USH2A: variants seen among roughly 807,000 people sequenced by gnomAD.
The protein encoded by USH2A is Usher syndrome 2A (autosomal recessive, mild).
USH2A carries 443 observed loss-of-function variants against 538.9 expected under a neutral mutation model. The observed-to-expected ratio is 0.82, with a 90% CI of 0.76 to 0.89. USH2A has a LOEUF of 0.89. Among genes scored for constraint, USH2A ranks in the 40% least tolerant of loss-of-function variants. USH2A has a pLI of 0.00. For synonymous variants in USH2A, 2,413 were observed against 2,273.5 expected, an observed-to-expected ratio of 1.06 and a Z score of -1.75; for missense variants, 6,633 against 6,324.8, an observed-to-expected ratio of 1.05 and a Z score of -1.65.
rs910518692 is a variant in USH2A, at chr1:216,181,007, A to G, written c.4397-5525T>C. On this transcript the variant is annotated intron_variant, in intron 20 of 71. Coordinates refer to ENST00000307340, the MANE Select transcript of USH2A (RefSeq NM_206933.4). ...CTTAAAGAGGAAAAGTTTTCCCCCG[A>G]AACTCTCAGGGGTGACTCAGCATCA... Among the ~76,000 whole-genome samples, 5 of 152,086 alleles carry G rather than the reference A, an allele frequency of 3.3e-5. No individual in the cohort carries two copies. The South Asian group carries it at 6.2e-4, about 19-fold the overall frequency.
intron 9 of USH2A, among the ~76,000 whole-genome samples, chr1:216,317,434 G>C (rs541833728): frequency 1.5e-4 from 23 of 152,240 alleles, no homozygotes; most frequent in African/African-American, 5.5e-4. Context: ...AGGAGGAATA[G>C]CTAATGGTTT....
At chr1:216,107,203 C>A (rs987600770) in intron 21 of USH2A, among the ~76,000 whole-genome samples, 1 of 151,650 alleles carries the variant, frequency 6.6e-6, no homozygotes, top group African/African-American at 2.4e-5. Context: ...TTATCAACTT[C>A]TTTTATTAAG....
rs1487136272 is a variant in USH2A at position 215,998,905 on chromosome 1, T to C, written c.6639A>G (p.Lys2213=). ...HMLQYVLPGN[K]YLIKLGACTG... ...AACTTACTCCCAGCTTGATGAGATA[T>C]TTATTACCAGGTAAAACGTATTGTA... Residue 2213 remains lysine, a synonymous_variant, in exon 34 of 72, where the codon AAA becomes AAG. Coordinates refer to ENST00000307340, the MANE Select transcript of USH2A (RefSeq NM_206933.4). 3.7e-6 allele frequency: 6 copies of C among 1,613,088 alleles called. No individual in the cohort carries two copies. The highest frequency in any genetic ancestry group is 4.2e-6 in the Non-Finnish European group (5 of 1,179,436).
intron 20 of USH2A, 48 bp from the exon 21 acceptor site, chr1:216,175,530 T>C (rs747065532): frequency 1.3e-6 from 2 of 1,537,008 alleles, no homozygotes; most frequent in Non-Finnish European, 1.8e-6. Context: ...GGTTTCTGTC[T>C]CTAGACACAC....
At chr1:215,730,764 C>T (rs975293651) in intron 60 of USH2A, among the ~76,000 whole-genome samples, 1 of 152,144 alleles carries the variant, frequency 6.6e-6, no homozygotes, top group African/African-American at 2.4e-5. Flanking sequence ...TTCATAGACA[C>T]CTCTCAGTCA....
At chr1:216,010,142 T>A (rs1366367307) in intron 32 of USH2A, among the ~76,000 whole-genome samples, 6 of 152,054 alleles carry the variant, frequency 3.9e-5, no homozygotes, top group African/African-American at 1.4e-4. Context: ...AGGTGTACAA[T>A]AATAGAAAAA....
intron 9 of USH2A, among the ~76,000 whole-genome samples, chr1:216,311,943 A>G (rs2037427896): frequency 6.6e-6 from 1 of 152,092 alleles, no homozygotes; most frequent in Non-Finnish European, 1.5e-5. Context: ...TATCTACTAG[A>G]TCAATTAAGG....
At chr1:215,850,269 C>T (rs1259934709) in intron 44 of USH2A, among the ~76,000 whole-genome samples, 2 of 152,002 alleles carry the variant, frequency 1.3e-5, no homozygotes, top group African/African-American at 4.8e-5. Flanking sequence ...CAGAGAAAGA[C>T]ATTAGTAACC....
At chr1:216,131,981 A>T (rs1010662957) in intron 21 of USH2A, among the ~76,000 whole-genome samples, 2 of 152,114 alleles carry the variant, frequency 1.3e-5, no homozygotes, top group Admixed American at 1.3e-4. Context: ...GAGGACACAG[A>T]CCTAGTAAGA....
At chr1:216,013,753 CT>C (rs1190316799) in intron 32 of USH2A, among the ~76,000 whole-genome samples, 1 of 152,010 alleles carries the variant, frequency 6.6e-6, no homozygotes, top group Non-Finnish European at 1.5e-5. Context: ...AGCCCCACCC[CT>C]ATCTCCCTTC....
chr1:215,767,808 C>G (rs1271768156), intron 55 of USH2A, among the ~76,000 whole-genome samples: 1 of 152,114 alleles, frequency 6.6e-6, no homozygotes, highest in Non-Finnish European at 1.5e-5. Flanking sequence ...GCAGAAGCAA[C>G]TTTAAAGCTC....
At chr1:216,375,145 C>T (rs1258598480) in intron 3 of USH2A, among the ~76,000 whole-genome samples, 2 of 152,044 alleles carry the variant, frequency 1.3e-5, no homozygotes, top group African/African-American at 4.8e-5. Context: ...GGGGTTAGGG[C>T]ACCTACCACC....
At chr1:216,039,240 C>A (rs758476620) in intron 32 of USH2A, among the ~76,000 whole-genome samples, 3 of 151,986 alleles carry the variant, frequency 2.0e-5, no homozygotes, top group Non-Finnish European at 2.9e-5. Flanking sequence ...CAACCTTGAA[C>A]AACTATTCTG....
At chr1:215,991,594 A>G (rs1571871337) in intron 35 of USH2A, among the ~76,000 whole-genome samples, 1 of 152,382 alleles carries the variant, frequency 6.6e-6, no homozygotes, top group South Asian at 2.1e-4. Context: ...TGGAAGTGTC[A>G]ATACAAATCT....
intron 56 of USH2A, among the ~76,000 whole-genome samples, chr1:215,765,967 T>C (rs1661116885): frequency 6.6e-6 from 1 of 152,128 alleles, no homozygotes; most frequent in Non-Finnish European, 1.5e-5. Flanking sequence ...CCTTGAGCAG[T>C]GTGGCACAGT....
intron 4 of USH2A, among the ~76,000 whole-genome samples, chr1:216,337,866 A>G (rs866098613): frequency 1.3e-5 from 2 of 151,398 alleles, no homozygotes; most frequent in Admixed American, 6.6e-5. Flanking sequence ...TCTTTATATC[A>G]GCAATAAATA....
At chr1:215,745,802 T>A (rs1233563233) in intron 58 of USH2A, among the ~76,000 whole-genome samples, 1 of 152,106 alleles carries the variant, frequency 6.6e-6, no homozygotes. Context: ...TAGGACAACT[T>A]GGGGAAAAAT....
chr1:215,834,881 C>T (rs1663432058), intron 47 of USH2A, among the ~76,000 whole-genome samples: 1 of 151,046 alleles, frequency 6.6e-6, no homozygotes, highest in Non-Finnish European at 1.5e-5. Context: ...TTGTCTCTCT[C>T]TCTTTTAAAT....
chr1:215,982,857 T>C (rs1452496981), intron 35 of USH2A, among the ~76,000 whole-genome samples: 6 of 152,154 alleles, frequency 3.9e-5, no homozygotes, highest in Non-Finnish European at 8.8e-5. Context: ...AAGGAAAACA[T>C]GGGATAGAGA....
Sources: gnomAD v4.1 joint callset for allele counts (sites outside exome capture counted in the v4.1 genomes callset) on GRCh38, gnomAD v4.1.1 for gene constraint, MANE v1.5 for transcripts, NCBI Gene and HGNC (gene_info 2026-07-23, HGNC 2026-07-21) for gene names.